PKIG: variants seen among roughly 807,000 people sequenced by gnomAD.
PKIG encodes cAMP-dependent protein kinase inhibitor gamma, also known as protein kinase (cAMP-dependent, catalytic) inhibitor gamma.
A neutral mutation model predicts 6.8 loss-of-function variants in PKIG; 1 was observed. The observed-to-expected ratio is 0.15, with a 90% CI of 0.05 to 0.69. The LOEUF (loss-of-function observed/expected upper bound fraction) is 0.69. Ranked by LOEUF, PKIG falls within the 30% of genes least tolerant of loss-of-function variation. The probability of loss-of-function intolerance (pLI) is 0.82; values close to 1 mark genes in which losing one functional copy is unlikely to be tolerated. For synonymous variants in PKIG, 39 were observed against 43.0 expected (o/e 0.91, Z 0.36); for missense variants, 77 against 104.0 (o/e 0.74, Z 1.13).
At chr20:44,542,240 A>C (rs1462935192) in intron 1 of PKIG, among the ~76,000 whole-genome samples, 1 of 152,134 alleles carries the variant, frequency 6.6e-6, no homozygotes, top group African/African-American at 2.4e-5. Context: ...AAGGTCTCTG[A>C]GTCTAGGTTC....
intron 1 of PKIG, among the ~76,000 whole-genome samples, chr20:44,572,667 G>A (rs977908040): frequency 6.6e-6 from 1 of 152,034 alleles, no homozygotes; most frequent in Non-Finnish European, 1.5e-5. Context: ...CAGATTGCTG[G>A]GCTATAAATA....
chr20:44,537,581 CTTT>C (rs1218503545), intron 1 of PKIG, among the ~76,000 whole-genome samples: 2 of 142,260 alleles, frequency 1.4e-5, no homozygotes, highest in Non-Finnish European at 3.1e-5. Flanking sequence ...AATATACTTA[CTTT>C]TTTTTTTTTT....
chr20:44,614,289 T>A lies in PKIG; in HGVS notation c.-23-245T>A. ...ATTAATAAATGTGTGTACATGTTTG[T>A]CAATAATTTTATTTAAAGAAAAGTC... On this transcript the variant is annotated intron_variant, in intron 2 of 3. Transcript: ENST00000372886. This position sits in a 1 kb window ranked among gnomAD's most constrained non-coding sequence, Gnocchi z 4.6. 2.5e-6 allele frequency: 1 copy of A among 399,262 alleles called. No individual in the cohort carries two copies. Among genetic ancestry groups the A allele is most frequent in the Non-Finnish European group, 4.6e-6 (1 of 219,284 alleles). The allele number at this position is 399,262 out of a possible 1,614,324, so 24.7% of individuals were successfully genotyped here.
In PKIG at chr20:44,618,422, A is replaced by C; in HGVS notation, c.*58A>C. Reference sequence around the variant, plus strand: ...ACCTTCTGTCCCCTCCCAGAGGGGGAACCCTGGCACTGGCCCAGCAGCCTC... The same window carrying C: ...ACCTTCTGTCCCCTCCCAGAGGGGGCACCCTGGCACTGGCCCAGCAGCCTC... On this transcript the variant is annotated 3_prime_UTR_variant, in exon 4 of 4. Coordinates refer to ENST00000372886, the MANE Select transcript of PKIG (RefSeq NM_001281445.2). The C allele has an allele frequency of 1.7e-6, 2 of 1,180,958 alleles. No individual in the cohort carries two copies. Among genetic ancestry groups the C allele is most frequent in the Non-Finnish European group, 2.5e-6 (2 of 785,704 alleles). The allele number at this position is 1,180,958 out of a possible 1,614,324, so 73.2% of individuals were successfully genotyped here.
chr20:44,611,731 G>A (rs1308684465), intron 2 of PKIG, among the ~76,000 whole-genome samples: 1 of 150,174 alleles, frequency 6.7e-6, no homozygotes, highest in East Asian at 2.0e-4. Context: ...ATGTTGGCCA[G>A]GATGGTCTCG....
upstream of PKIG, among the ~76,000 whole-genome samples, chr20:44,580,640 G>A (rs1600869551): frequency 1.3e-5 from 2 of 152,090 alleles, no homozygotes; most frequent in South Asian, 2.1e-4. Context: ...GAGCCACCGC[G>A]CCCGGCCAGG....
chr20:44,599,365 A>T (rs12479978), intron 2 of PKIG, among the ~76,000 whole-genome samples: 1 of 152,334 alleles, frequency 6.6e-6, no homozygotes, highest in Admixed American at 6.5e-5. Context: ...ACTTTCTGTC[A>T]TAGAGTTGCT....
At chr20:44,616,745 A>G (rs1384264391) in intron 3 of PKIG, among the ~76,000 whole-genome samples, 2 of 152,228 alleles carry the variant, frequency 1.3e-5, no homozygotes, top group Admixed American at 6.5e-5. Context: ...GGAAGCCCGC[A>G]GGGAGCAGTT....
chr20:44,594,576 A>G (rs990999148), intron 2 of PKIG, among the ~76,000 whole-genome samples: 1 of 152,180 alleles, frequency 6.6e-6, no homozygotes, highest in Admixed American at 6.5e-5. Flanking sequence ...ATGTTAAGTG[A>G]TTTGCTCAGC....
At chr20:44,593,282 C>T (rs944029353) in intron 2 of PKIG, among the ~76,000 whole-genome samples, 3 of 150,796 alleles carry the variant, frequency 2.0e-5, no homozygotes, top group African/African-American at 4.9e-5. Context: ...TGCAGTGAGC[C>T]GTAGTCATGC....
chr20:44,568,937 T>C (rs1049500767), intron 1 of PKIG, among the ~76,000 whole-genome samples: 3 of 152,238 alleles, frequency 2.0e-5, no homozygotes, highest in Admixed American at 6.5e-5. Flanking sequence ...GTCAAGTCTT[T>C]GCACACACAT....
chr20:44,591,234 G>T (rs1202839485), intron 2 of PKIG, among the ~76,000 whole-genome samples: 1 of 152,146 alleles, frequency 6.6e-6, no homozygotes, highest in Non-Finnish European at 1.5e-5. Context: ...GGCTTGGGGG[G>T]TGCAGCACTC....
At chr20:44,579,560 G>A (rs2064929572), upstream of PKIG, among the ~76,000 whole-genome samples, 2 of 152,206 alleles carry the variant, frequency 1.3e-5, no homozygotes, top group Non-Finnish European at 2.9e-5. Flanking sequence ...TATTAATAAT[G>A]TCTCCTGCAC....
chr20:44,561,913 G>C (rs2064770458), intron 1 of PKIG, among the ~76,000 whole-genome samples: 1 of 152,184 alleles, frequency 6.6e-6, no homozygotes, highest in Admixed American at 6.5e-5. Context: ...AAAGCTAAAA[G>C]CTAAAAACTG....
upstream of PKIG, among the ~76,000 whole-genome samples, chr20:44,580,003 A>G (rs2123331751): frequency 6.6e-6 from 1 of 152,308 alleles, no homozygotes; most frequent in South Asian, 2.1e-4. Context: ...GCTTTTGTTC[A>G]TTACTCATCG....
chr20:44,610,475 TC>T (rs1568835188), intron 2 of PKIG, among the ~76,000 whole-genome samples: 165 of 137,874 alleles, frequency 1.2e-3, no homozygotes, highest in African/African-American at 4.7e-3. Flanking sequence ...TCTCTCTCTC[TC>T]TCTCTCTCTT....
intron 2 of PKIG, among the ~76,000 whole-genome samples, chr20:44,607,048 C>G (rs1232759507): frequency 6.6e-6 from 1 of 152,172 alleles, no homozygotes; most frequent in African/African-American, 2.4e-5. Context: ...GACTGAGAGA[C>G]AGGAACTAAC....
At chr20:44,546,095 C>CA (rs2064611398) in intron 1 of PKIG, among the ~76,000 whole-genome samples, 1 of 151,912 alleles carries the variant, frequency 6.6e-6, no homozygotes, top group South Asian at 2.1e-4. Flanking sequence ...ACAAAAAATA[C>CA]AAAAATTAGC....
intron 1 of PKIG, among the ~76,000 whole-genome samples, chr20:44,552,132 C>A (rs1274799239): frequency 2.0e-5 from 3 of 152,138 alleles, no homozygotes; most frequent in African/African-American, 7.2e-5. Flanking sequence ...CTGTTACTAC[C>A]CCTGACATAT....
Sources: allele counts gnomAD v4.1 joint callset (sites outside exome capture counted in the v4.1 genomes callset), GRCh38; gene constraint gnomAD v4.1.1; non-coding constraint Gnocchi (gnomAD v3.1); transcripts MANE v1.5; gene names NCBI Gene and HGNC (gene_info 2026-07-23, HGNC 2026-07-21).